The following COL23A1 variants were observed in gnomAD, a reference collection of about 807,000 sequenced individuals.
COL23A1 encodes collagen alpha-1(XXIII) chain.
Under a neutral mutation model 99.3 loss-of-function variants are expected in COL23A1, and 97 were observed. The observed-to-expected ratio is 0.98, with a 90% CI of 0.83 to 1.16. COL23A1 has a LOEUF of 1.16. COL23A1 is among the 50% of genes most tolerant of loss of function. The probability of loss-of-function intolerance (pLI) is 0.00; values close to 1 mark genes in which losing one functional copy is unlikely to be tolerated. For synonymous variants in COL23A1, 320 were observed against 308.2 expected (o/e 1.04, Z -0.40); for missense variants, 762 against 757.4 (o/e 1.01, Z -0.07).
chr5:178,470,234 T>C (rs1229408667), intron 2 of COL23A1, among the ~76,000 whole-genome samples: 1 of 152,226 alleles, frequency 6.6e-6, no homozygotes, highest in Non-Finnish European at 1.5e-5. Flanking sequence ...TGCTTTGAGC[T>C]GGCCATCCAG....
Position 178,255,523 on chromosome 5 carries a change from C to G in COL23A1, c.883-497G>C, listed in dbSNP as rs1030560390. 1.3e-5 allele frequency among the ~76,000 whole-genome samples: 2 copies of G among 152,098 alleles called. No homozygotes were observed. The highest frequency in any genetic ancestry group is 4.8e-5 in the African/African-American group (2 of 41,408). ...TGCCCATGTCCATATGCTGCACACT[C>G]ATTGTGCACACTCACACGTGCACGC... On this transcript the variant is annotated intron_variant, in intron 15 of 28. Coordinates refer to ENST00000390654, the MANE Select transcript of COL23A1 (RefSeq NM_173465.4). This position sits in a 1 kb window ranked among gnomAD's most constrained non-coding sequence, Gnocchi z 4.2.
At chr5:178,555,655 G>C (rs1202275420) in intron 2 of COL23A1, among the ~76,000 whole-genome samples, 2 of 152,200 alleles carry the variant, frequency 1.3e-5, no homozygotes, top group Non-Finnish European at 2.9e-5. Context: ...CAAAGAGTGA[G>C]TGAATGCAAG....
intron 2 of COL23A1, among the ~76,000 whole-genome samples, chr5:178,473,106 G>C (rs1487412080): frequency 1.4e-4 from 4 of 27,690 alleles, no homozygotes; most frequent in African/African-American, 3.6e-4. Flanking sequence ...CTGGGTGACA[G>C]AGCAAGACTC....
Position 178,469,220 on chromosome 5 carries a change from T to A in COL23A1, c.361+91462A>T, listed in dbSNP as rs143585190. Among the ~76,000 whole-genome samples the A allele has an allele frequency of 1.8e-4, 28 of 152,274 alleles. No individual in the cohort carries two copies. The East Asian group carries it at 5.0e-3, about 27-fold the overall frequency. On this transcript the variant is annotated intron_variant, in intron 2 of 28. Coordinates refer to ENST00000390654, the MANE Select transcript of COL23A1 (RefSeq NM_173465.4). ...GCTGCCCTGAACCTAGGTGTACAAA[T>A]ACCTGTCTGGGTCTCCGTGTTCTTC...
Position 178,428,519 on chromosome 5 carries a change from T to G in COL23A1, c.362-121600A>C, listed in dbSNP as rs1479573690. On this transcript the variant is annotated intron_variant, in intron 2 of 28. Transcript: ENST00000390654. This position sits in a 1 kb window ranked among gnomAD's most constrained non-coding sequence, Gnocchi z 5.0. ...GACTGCCAGCTGGGCCTGTGCTCTG[T>G]GTCCAGGAGCCGCGGCAGGGTGCCC... is the stretch of plus-strand genomic sequence containing the variant. Among the ~76,000 whole-genome samples, 1 of 152,216 alleles carries G rather than the reference T, an allele frequency of 6.6e-6. No homozygotes were observed. Among genetic ancestry groups the G allele is most frequent in the Non-Finnish European group, 1.5e-5 (1 of 68,026 alleles).
intron 2 of COL23A1, among the ~76,000 whole-genome samples, chr5:178,542,851 G>A (rs1394170865): frequency 6.6e-6 from 1 of 152,164 alleles, no homozygotes; most frequent in Admixed American, 6.5e-5. Context: ...CTCCTATACT[G>A]CGAAGTCAAA....
At chr5:178,454,932 G>A (rs2127878166) in intron 2 of COL23A1, among the ~76,000 whole-genome samples, 1 of 152,330 alleles carries the variant, frequency 6.6e-6, no homozygotes, top group African/African-American at 2.4e-5. Context: ...TGAGCCCCTG[G>A]CTAGGACTGC....
chr5:178,513,317 C>T (rs886836111), intron 2 of COL23A1, among the ~76,000 whole-genome samples: 3 of 152,276 alleles, frequency 2.0e-5, no homozygotes, highest in African/African-American at 7.2e-5. Context: ...GAGGTGTGTA[C>T]GTTTAGGGAC....
At chr5:178,532,639 C>T (rs921888065) in intron 2 of COL23A1, among the ~76,000 whole-genome samples, 1 of 152,140 alleles carries the variant, frequency 6.6e-6, no homozygotes, top group Non-Finnish European at 1.5e-5. Context: ...GAATGGGCAC[C>T]GTGACTGGGT....
At chr5:178,465,173 G>T (rs1160953444) in intron 2 of COL23A1, among the ~76,000 whole-genome samples, 8 of 152,184 alleles carry the variant, frequency 5.3e-5, no homozygotes, top group African/African-American at 1.9e-4. Context: ...GCCTTGCACA[G>T]CGTGTACACG....
At chr5:178,246,105 G>A (rs2127530585) in intron 24 of COL23A1, 137 bp from the exon 25 acceptor site, 1 of 1,306,200 alleles carries the variant, frequency 7.7e-7, no homozygotes, top group South Asian at 1.2e-5. Context: ...ATAGATGGAG[G>A]CCAGGACAGA....
rs149287060 is a variant in COL23A1, at chr5:178,405,160, C to T, written c.362-98241G>A. Among the ~76,000 whole-genome samples, 508 of 152,352 alleles carry T rather than the reference C, an allele frequency of 3.3e-3. 2 individuals are homozygous for T. The highest frequency in any genetic ancestry group is 0.012 in the African/African-American group (492 of 41,582). On this transcript the variant is annotated intron_variant, in intron 2 of 28. Transcript: ENST00000390654. Reference sequence around the variant, plus strand: ...CCAAGGGCCAGATGGGCTTGCATGCCCGCAGCGTGTCTGGTTCTGTGTTTG... The same window carrying T: ...CCAAGGGCCAGATGGGCTTGCATGCTCGCAGCGTGTCTGGTTCTGTGTTTG...
intron 2 of COL23A1, among the ~76,000 whole-genome samples, chr5:178,539,545 C>CAACAA (rs1761169212): frequency 1.3e-5 from 1 of 78,386 alleles, no homozygotes; most frequent in Non-Finnish European, 2.3e-5. Context: ...GACTCTGTCT[C>CAACAA]AAAAAAAAAA....
rs142858362 is a variant in COL23A1 at position 178,307,323 on chromosome 5, C to T, written c.362-404G>A. ...GTTATCTTAGGAAAGCCCTGACAAA[C>T]GCTGCTTCATATTCACTAAAGTAAA... On this transcript the variant is annotated intron_variant, in intron 2 of 28. Coordinates refer to ENST00000390654, the MANE Select transcript of COL23A1 (RefSeq NM_173465.4). The surrounding 1 kb of genome is among the most constrained non-coding windows in gnomAD (Gnocchi z 4.2). Among the ~76,000 whole-genome samples, 37 of 152,332 alleles carry T rather than the reference C, an allele frequency of 2.4e-4. No homozygotes were observed. Among genetic ancestry groups the T allele is most frequent in the African/African-American group, 8.7e-4 (36 of 41,576 alleles).
At position 178,310,758 on chromosome 5, in the gene COL23A1, AGCTTGGCT is replaced by A. The variant is rs1758627054; in HGVS notation, c.362-3847_362-3840del. Among the ~76,000 whole-genome samples, 1 of 152,192 alleles carries A rather than the reference AGCTTGGCT, an allele frequency of 6.6e-6. No individual in the cohort carries two copies. Among genetic ancestry groups the A allele is most frequent in the South Asian group, 2.1e-4 (1 of 4,836 alleles). ...CCCCGGCCCCTGGGAGAGCAGGGCC[AGCTTGGCT>A]GCAGCTAAGACCTGGCTCCAACAAG... On this transcript the variant is annotated intron_variant, in intron 2 of 28. Transcript: ENST00000390654. This position sits in a 1 kb window ranked among gnomAD's most constrained non-coding sequence, Gnocchi z 4.3.
In COL23A1 at chr5:178,517,870, GTTCTTTTT is replaced by G. The variant is rs1415432250; in HGVS notation, c.361+42804_361+42811del. On this transcript the variant is annotated intron_variant, in intron 2 of 28. Coordinates refer to ENST00000390654, the MANE Select transcript of COL23A1 (RefSeq NM_173465.4). ...CCGCCGTGCCTGGCCAGCAACAGCG[GTTCTTTTT>G]TTTTTTTTTTTTTTTTTTTTTTTTA... 3.2e-4 allele frequency among the ~76,000 whole-genome samples: 26 copies of G among 81,924 alleles called. 1 individual carries two copies. The highest frequency in any genetic ancestry group is 1.4e-3 in the African/African-American group (25 of 17,452). The allele number at this position is 81,924 out of a possible 152,430, so 53.7% of individuals were successfully genotyped here. A position where few individuals can be genotyped will look rare whatever the true frequency, so the allele number is the denominator to read the frequency against.
chr5:178,562,201 C>T (rs1762597859), intron 1 of COL23A1: 2 of 416,536 alleles, frequency 4.8e-6, no homozygotes, highest in South Asian at 3.6e-5. Context: ...GAGATCGCGA[C>T]ACCGCACTCC....
chr5:178,388,895 C>G (rs984325158), intron 2 of COL23A1, among the ~76,000 whole-genome samples: 2 of 152,230 alleles, frequency 1.3e-5, no homozygotes, highest in African/African-American at 2.4e-5. Flanking sequence ...CCTTGCAGCT[C>G]TCTAAGGTGG....
intron 2 of COL23A1, among the ~76,000 whole-genome samples, chr5:178,411,444 G>A (rs1056836640): frequency 1.2e-4 from 18 of 152,074 alleles, no homozygotes; most frequent in Non-Finnish European, 8.8e-5. Flanking sequence ...CACATGGAAT[G>A]AAATTATTAT....
Sources: gnomAD v4.1 joint callset for allele counts (sites outside exome capture counted in the v4.1 genomes callset) on GRCh38, gnomAD v4.1.1 for gene constraint, Gnocchi (gnomAD v3.1) non-coding constraint, MANE v1.5 for transcripts, NCBI Gene and HGNC (gene_info 2026-07-23, HGNC 2026-07-21) for gene names.